The following ARID1B variants were observed in gnomAD, a reference collection of about 807,000 sequenced individuals.
ARID1B encodes the protein AT-rich interactive domain-containing protein 1B.
ARID1B carries 30 observed loss-of-function variants against 212.3 expected under a neutral mutation model. The ratio of observed to expected loss-of-function variants is 0.14; its 90% confidence interval spans 0.11 to 0.19. The LOEUF is 0.19. ARID1B is among the 10% of genes least tolerant of loss of function. ARID1B has a pLI of 1.00. For missense variants in ARID1B, 2,891 were observed against 3,204.0 expected, an observed-to-expected ratio of 0.90 and a Z score of 2.36; for synonymous variants, 1,402 against 1,301.7, an observed-to-expected ratio of 1.08 and a Z score of -1.66.
At chr6:157,031,760 A>G (rs1169689464) in intron 4 of ARID1B, among the ~76,000 whole-genome samples, 2 of 152,218 alleles carry the variant, frequency 1.3e-5, no homozygotes, top group African/African-American at 4.8e-5. Context: ...ATTTAAATGT[A>G]AAAAAGTCAA....
intron 1 of ARID1B, among the ~76,000 whole-genome samples, chr6:156,813,913 C>G (rs1209599914): frequency 1.3e-5 from 2 of 152,084 alleles, no homozygotes; most frequent in African/African-American, 4.8e-5. Flanking sequence ...CCCTCCAGAC[C>G]CCATCTCAAG....
chr6:156,915,970 AC>A (rs1050830494), intron 3 of ARID1B, among the ~76,000 whole-genome samples: 1 of 143,736 alleles, frequency 7.0e-6, no homozygotes, highest in Non-Finnish European at 1.5e-5. Flanking sequence ...TACGCGCCCC[AC>A]CCCCCCAGCT....
chr6:157,058,421 T>C (rs2128398785), intron 4 of ARID1B, among the ~76,000 whole-genome samples: 1 of 152,222 alleles, frequency 6.6e-6, no homozygotes, highest in South Asian at 2.1e-4. Context: ...CACACCACCA[T>C]GCTGGGCTAA....
intron 3 of ARID1B, among the ~76,000 whole-genome samples, chr6:156,908,087 G>A (rs953290747): frequency 2.6e-5 from 4 of 152,080 alleles, no homozygotes; most frequent in Non-Finnish European, 5.9e-5. Context: ...TAGTAGAGAT[G>A]TTGAGGTCTT....
Position 157,084,734 on chromosome 6 carries a change from G to A in ARID1B, c.2320G>A (p.Gly774Arg), listed in dbSNP as rs775004900. The change falls in exon 5 of 20, where the codon GGG becomes AGG. Residue 774 changes from glycine to arginine, a missense_variant. Physicochemically the swap from Gly to Arg is moderately radical, Grantham distance 125 (BLOSUM62 -2). Coordinates refer to ENST00000636930, the MANE Select transcript of ARID1B (RefSeq NM_001374828.1). ...ATLSSAVSAS[G>R]STSSQGDQSN... is the part of the protein sequence containing the mutation. ...TTTGAGCTCAGCAGTCAGTGCATCC[G>A]GGTCCACGAGCAGCCAAGGGGATCA... is the stretch of plus-strand genomic sequence containing the variant. 6.2e-6 allele frequency: 10 copies of A among 1,613,974 alleles called. No homozygotes were observed. The highest frequency in any genetic ancestry group is 7.6e-6 in the Non-Finnish European group (9 of 1,180,022).
chr6:157,175,078 C>A lies in ARID1B; in HGVS notation c.3504+73C>A, dbSNP rs538548042. 2.3e-5 allele frequency: 27 copies of A among 1,156,726 alleles called. No homozygotes were observed. The African/African-American group carries it at 4.2e-4, about 18-fold the overall frequency. The allele number at this position is 1,156,726 out of a possible 1,614,324, so 71.7% of individuals were successfully genotyped here. A position where few individuals can be genotyped will look rare whatever the true frequency, so the allele number is the denominator to read the frequency against. On this transcript the variant is annotated intron_variant, in intron 11 of 19. Transcript: ENST00000636930. ...GGGGTTTTTTGATAATTAATTAATT[C>A]TACTTGAATGCTTGCTTGTTTATTT...
At chr6:156,784,697 A>G (rs961834316) in intron 1 of ARID1B, among the ~76,000 whole-genome samples, 3 of 152,152 alleles carry the variant, frequency 2.0e-5, no homozygotes, top group African/African-American at 4.8e-5. Context: ...TTCACTAAAT[A>G]TGTTCTATTT....
intron 8 of ARID1B, chr6:157,166,046 C>G (rs1215105337): frequency 6.6e-6 from 1 of 151,986 alleles, no homozygotes; most frequent in Non-Finnish European, 1.5e-5. Context: ...CATGAGTAGC[C>G]AAAACTTTGA....
chr6:157,081,945 G>A (rs915151135), intron 4 of ARID1B, among the ~76,000 whole-genome samples: 16 of 151,894 alleles, frequency 1.1e-4, no homozygotes, highest in Non-Finnish European at 2.4e-4. Flanking sequence ...TTTCTTTAGA[G>A]AAACATGAAA....
At chr6:156,894,091 C>T (rs2128193944) in intron 2 of ARID1B, among the ~76,000 whole-genome samples, 1 of 152,030 alleles carries the variant, frequency 6.6e-6, no homozygotes, top group Admixed American at 6.5e-5. Flanking sequence ...CATTCCGTGG[C>T]CTTAAAACGG....
In ARID1B at chr6:157,201,252, C is replaced by A; in HGVS notation, c.5027C>A (p.Ala1676Glu). Residue 1676 changes from alanine to glutamate, a missense_variant, in exon 18 of 20, where the codon GCG becomes GAG. Physicochemically the swap from Ala to Glu is moderately radical, Grantham distance 107. Coordinates refer to ENST00000636930, the MANE Select transcript of ARID1B (RefSeq NM_001374828.1). This position sits in a 1 kb window ranked among gnomAD's most constrained non-coding sequence, Gnocchi z 5.2. ...PPSLPNHISR[A>E]PSPASFQRSL... ...TCACTGCCAAATCACATCTCCAGGGCGCCCAGCCCAGCGTCCTTCCAGCGC... is the reference window on the plus strand; with the variant it reads ...TCACTGCCAAATCACATCTCCAGGGAGCCCAGCCCAGCGTCCTTCCAGCGC... The A allele has an allele frequency of 6.2e-7, 1 of 1,614,074 alleles. No individual in the cohort carries two copies. The highest frequency in any genetic ancestry group is 8.5e-7 in the Non-Finnish European group (1 of 1,180,002).
At chr6:156,864,837 T>TATGATCAAACATTATGGTACATTATGG (rs1317112199) in intron 2 of ARID1B, among the ~76,000 whole-genome samples, 1 of 152,186 alleles carries the variant, frequency 6.6e-6, no homozygotes, top group Admixed American at 6.5e-5. Flanking sequence ...AGTCTGGTAT[T>TATGATCAAACATTATGGTACATTATGG]TACATTATGA....
At chr6:157,045,962 C>T (rs559802998) in intron 4 of ARID1B, among the ~76,000 whole-genome samples, 79 of 152,222 alleles carry the variant, frequency 5.2e-4, no homozygotes, top group African/African-American at 1.9e-3. Context: ...TCAAGTTCTC[C>T]CGGATGTGGG....
At chr6:156,873,813 T>TC (rs1786332056) in intron 2 of ARID1B, among the ~76,000 whole-genome samples, 1 of 152,164 alleles carries the variant, frequency 6.6e-6, no homozygotes, top group Non-Finnish European at 1.5e-5. Context: ...ATGAGTGGCG[T>TC]CCTTTAGAAG....
chr6:157,163,671 A>G (rs1230574815), intron 8 of ARID1B, among the ~76,000 whole-genome samples: 1 of 152,126 alleles, frequency 6.6e-6, no homozygotes, highest in African/African-American at 2.4e-5. Context: ...GAGCTGTTGT[A>G]TTCATGTCTC....
At chr6:157,167,341 C>A in intron 9 of ARID1B, 156 bp downstream of exon 9, 1 of 766,482 alleles carries the variant, frequency 1.3e-6, no homozygotes, top group Non-Finnish European at 2.0e-6. Context: ...CTTGCTCCAT[C>A]TATTTAAGAC....
chr6:156,842,201 C>T (rs149574443), intron 2 of ARID1B, among the ~76,000 whole-genome samples: 295 of 152,308 alleles, frequency 1.9e-3, no homozygotes, highest in Admixed American at 3.5e-3. Context: ...TGTACAACCA[C>T]CTCCTCTGTC....
At position 156,861,998 on chromosome 6, in the gene ARID1B, T is replaced by A. The variant is rs560857346; in HGVS notation, c.1986+32577T>A. Among the ~76,000 whole-genome samples the A allele has an allele frequency of 4.6e-5, 7 of 152,312 alleles. No individual in the cohort carries two copies. In the South Asian group the frequency reaches 1.4e-3, roughly 32 times the overall value. On this transcript the variant is annotated intron_variant, in intron 2 of 19. Transcript: ENST00000636930. Reference sequence around the variant, plus strand: ...GATTTTCCAGTGTGCAGCGTGGGCATCCAAGTAGGTGTCAGTATAGAGTTC... The same window carrying A: ...GATTTTCCAGTGTGCAGCGTGGGCAACCAAGTAGGTGTCAGTATAGAGTTC...
chr6:157,046,318 G>T (rs1188171753), intron 4 of ARID1B, among the ~76,000 whole-genome samples: 2 of 152,174 alleles, frequency 1.3e-5, no homozygotes, highest in African/African-American at 4.8e-5. Flanking sequence ...TTAATGAAAG[G>T]CCTGGAGTGG....
Sources: allele counts gnomAD v4.1 joint callset (sites outside exome capture counted in the v4.1 genomes callset), GRCh38; gene constraint gnomAD v4.1.1; non-coding constraint Gnocchi (gnomAD v3.1); transcripts MANE v1.5; gene names NCBI Gene and HGNC (gene_info 2026-07-23, HGNC 2026-07-21).